Variants in PTPRS observed in about 807,000 individuals in gnomAD.
PTPRS encodes protein tyrosine phosphatase receptor type S.
PTPRS carries 63 observed loss-of-function variants against 215.3 expected under a neutral mutation model. The observed-to-expected ratio is 0.29, with a 90% CI of 0.24 to 0.36. The LOEUF (loss-of-function observed/expected upper bound fraction) is 0.36, where lower values mean the gene tolerates loss of function less well. Among genes scored for constraint, PTPRS ranks in the 10% least tolerant of loss-of-function variants. The pLI is 1.00. For synonymous variants in PTPRS, 1,404 were observed against 1,191.4 expected, an observed-to-expected ratio of 1.18 and a Z score of -3.68; for missense variants, 2,258 against 2,825.8, an observed-to-expected ratio of 0.80 and a Z score of 4.56.
At chr19:5,314,232 T>C (rs1192083274) in intron 1 of PTPRS, among the ~76,000 whole-genome samples, 1 of 152,200 alleles carries the variant, frequency 6.6e-6, no homozygotes, top group Non-Finnish European at 1.5e-5. Flanking sequence ...TTCCCTTCCA[T>C]GAACCTCAGT....
chr19:5,221,154 T>C lies in PTPRS; in HGVS notation c.3301A>G (p.Asn1101Asp), dbSNP rs1164236147. ...AGGCCGCCCAGGCTGCTGCCGCGAT[T>C]GGTCAGCACAAAGTTGTAGAAGGTG... ...PHTFYNFVLT[N>D]RGSSLGGLQQ... Residue 1101 changes from asparagine (N) to aspartate (D), a missense_variant, in exon 20 of 38, where the codon AAT becomes GAT. By Grantham distance (23) the Asn-to-Asp change is conservative. Coordinates refer to ENST00000262963, the MANE Select transcript of PTPRS (RefSeq NM_002850.4). 1 of 1,613,644 alleles carries C rather than the reference T, an allele frequency of 6.2e-7. No homozygotes were observed. Among genetic ancestry groups the C allele is most frequent in the South Asian group, 1.1e-5 (1 of 91,066 alleles).
intron 1 of PTPRS, among the ~76,000 whole-genome samples, chr19:5,324,185 C>A (rs2050106724): frequency 7.0e-6 from 1 of 142,686 alleles, no homozygotes; most frequent in South Asian, 2.2e-4. Context: ...CAAGATTATG[C>A]CACTGCACTC....
At chr19:5,332,766 A>C (rs552430483) in intron 1 of PTPRS, among the ~76,000 whole-genome samples, 1 of 152,308 alleles carries the variant, frequency 6.6e-6, no homozygotes, top group East Asian at 1.9e-4. Context: ...ATGTTCCAAG[A>C]AGCATTCCCA....
chr19:5,313,477 G>A (rs760088634), intron 1 of PTPRS, among the ~76,000 whole-genome samples: 7 of 152,198 alleles, frequency 4.6e-5, no homozygotes, highest in African/African-American at 1.2e-4. Context: ...CTGGCTCGTC[G>A]GAAAACAAAT....
At chr19:5,225,865 C>T (rs925580744) in intron 16 of PTPRS, 21 bp from the exon 17 acceptor site, 1 of 1,601,590 alleles carries the variant, frequency 6.2e-7, no homozygotes, top group South Asian at 1.1e-5. Context: ...GGCTGGGGGT[C>T]AGCACGACGG....
intron 26 of PTPRS, 83 bp from the exon 27 acceptor site, chr19:5,215,678 G>A (rs1177026184): frequency 2.0e-6 from 2 of 990,526 alleles, no homozygotes; most frequent in Admixed American, 2.2e-5. Context: ...ATCTACGTGT[G>A]AGTCTGCGAT....
rs1386013115 is a variant in PTPRS, at chr19:5,293,892, C to G, written c.-94-7658G>C. Among the ~76,000 whole-genome samples, 2 of 152,136 alleles carry G rather than the reference C, an allele frequency of 1.3e-5. No homozygotes were observed. Among genetic ancestry groups the G allele is most frequent in the African/African-American group, 4.8e-5 (2 of 41,440 alleles). ...AGGGCCAGATTGGAAACAGATGGGG[C>G]CGCCGTGCCAGGCCCGCGACACCGG... On this transcript the variant is annotated intron_variant, in intron 1 of 37. Coordinates refer to ENST00000262963, the MANE Select transcript of PTPRS (RefSeq NM_002850.4). This position sits in a 1 kb window ranked among gnomAD's most constrained non-coding sequence, Gnocchi z 8.4.
chr19:5,300,231 A>T (rs1444078484), intron 1 of PTPRS, among the ~76,000 whole-genome samples: 1 of 143,506 alleles, frequency 7.0e-6, no homozygotes, highest in Admixed American at 7.2e-5. Context: ...ACGGGGCGAG[A>T]CTCCATCTCA....
At chr19:5,263,084 G>A (rs1377760266) in intron 5 of PTPRS, 112 bp from the exon 6 acceptor site, 6 of 745,504 alleles carry the variant, frequency 8.0e-6, no homozygotes, top group East Asian at 2.8e-5. Flanking sequence ...GGAGGGGGAC[G>A]CTCAGAATAA....
In PTPRS at chr19:5,207,915, T is replaced by G. The variant is rs113193640; in HGVS notation, c.5778+7A>C. The G allele has an allele frequency of 5.0e-5, 81 of 1,613,236 alleles. No individual in the cohort carries two copies. In the African/African-American group the frequency reaches 8.9e-4, roughly 18 times the overall value. ...CAGGCTGCCTCCCCTCCCTGTCCCA[T>G]CTTTACCTCTGTCTGCACCATGGCC... On this transcript the variant is annotated splice_region_variant and intron_variant, in intron 37 of 37. Transcript: ENST00000262963.
At chr19:5,316,819 ACACCCGGCTGTGATTTGGGGTTCTGG>A (rs956471829) in intron 1 of PTPRS, among the ~76,000 whole-genome samples, 16 of 151,976 alleles carry the variant, frequency 1.1e-4, no homozygotes, top group Admixed American at 5.2e-4. Flanking sequence ...ATGAGCCACC[ACACCCGGCTGTGATTTGGGGTTCTGG>A]CACCCGGCTG....
Position 5,308,289 on chromosome 19 carries a change from A to G in PTPRS, c.-94-22055T>C, listed in dbSNP as rs372612766. On this transcript the variant is annotated intron_variant, in intron 1 of 37. Coordinates refer to ENST00000262963, the MANE Select transcript of PTPRS (RefSeq NM_002850.4). ...TTGCTAAATGGATGGGTGAGAAATG[A>G]TATCTTGTTTTAATTTGCATCTCCT... Among the ~76,000 whole-genome samples the G allele has an allele frequency of 3.5e-4, 53 of 152,278 alleles. No homozygotes were observed. The South Asian group carries it at 9.5e-3, about 27-fold the overall frequency.
At chr19:5,207,532 G>A (rs2040475262) in intron 37 of PTPRS, among the ~76,000 whole-genome samples, 2 of 152,296 alleles carry the variant, frequency 1.3e-5, no homozygotes, top group Admixed American at 6.5e-5. Context: ...TTAAGACATG[G>A]CTGCTGTTCA....
intron 9 of PTPRS, among the ~76,000 whole-genome samples, chr19:5,249,179 C>T (rs941051525): frequency 2.6e-5 from 4 of 152,124 alleles, no homozygotes; most frequent in African/African-American, 4.8e-5. Flanking sequence ...GGCGTGGCGG[C>T]GGGCGCCTGT....
rs77449380 is a variant in PTPRS, at chr19:5,311,714, G to C, written c.-94-25480C>G. Among the ~76,000 whole-genome samples the C allele has an allele frequency of 1.1e-3, 169 of 152,216 alleles. 2 individuals carry two copies. In the East Asian group the frequency reaches 0.027, roughly 24 times the overall value. Reference sequence around the variant, plus strand: ...TGGAGATGGCAGATGCTCTCTGCAGGGTAACTGGGCGAGAGGGAGTGAATA... The same window carrying C: ...TGGAGATGGCAGATGCTCTCTGCAGCGTAACTGGGCGAGAGGGAGTGAATA... On this transcript the variant is annotated intron_variant, in intron 1 of 37. Transcript: ENST00000262963.
intron 12 of PTPRS, 141 bp from the exon 13 acceptor site, chr19:5,239,204 A>C (rs1599611596): frequency 1.2e-5 from 7 of 583,396 alleles, no homozygotes; most frequent in East Asian, 3.2e-5. Flanking sequence ...AAATAGAGAC[A>C]GGGGTGCGGC....
intron 26 of PTPRS, among the ~76,000 whole-genome samples, chr19:5,215,877 T>C (rs1365038307): frequency 2.6e-5 from 4 of 152,086 alleles, no homozygotes; most frequent in Non-Finnish European, 1.5e-5. Context: ...GCCCATCCTG[T>C]TTCCTTCCAA....
Position 5,210,646 on chromosome 19 carries a change from C to T in PTPRS, c.5361+33G>A. 1 of 1,614,068 alleles carries T rather than the reference C, an allele frequency of 6.2e-7. No homozygotes were observed. Among genetic ancestry groups the T allele is most frequent in the Non-Finnish European group, 8.5e-7 (1 of 1,180,004 alleles). Reference sequence around the variant, plus strand: ...AGCGCTGTCTGAGCCACAGTCTGGCCCTCGCCCTTCCCTGCTGTGGCCCCT... The same window carrying T: ...AGCGCTGTCTGAGCCACAGTCTGGCTCTCGCCCTTCCCTGCTGTGGCCCCT... On this transcript the variant is annotated intron_variant, in intron 34 of 37. Coordinates refer to ENST00000262963, the MANE Select transcript of PTPRS (RefSeq NM_002850.4). This position sits in a 1 kb window ranked among gnomAD's most constrained non-coding sequence, Gnocchi z 4.5.
Position 5,273,475 on chromosome 19 carries a change from T to C in PTPRS, c.346A>G (p.Ile116Val), listed in dbSNP as rs1457708210. The C allele has an allele frequency of 6.2e-7, 1 of 1,614,102 alleles. No individual in the cohort carries two copies. The highest frequency in any genetic ancestry group is 1.7e-5 in the Admixed American group (1 of 60,002). The change falls in exon 4 of 38, where the codon ATC becomes GTC. Residue 116 changes from isoleucine (I) to valine (V), a missense_variant. Coordinates refer to ENST00000262963, the MANE Select transcript of PTPRS (RefSeq NM_002850.4). ...ECVAQNSVGE[I>V]TVHAKLTVLR... ...ACAGTAAGCTTGGCATGGACTGTGA[T>C]CTCCCCAACCGAGTTCTGGGCCACA... is the stretch of plus-strand genomic sequence containing the variant.
Sources: allele counts gnomAD v4.1 joint callset (sites outside exome capture counted in the v4.1 genomes callset), GRCh38; gene constraint gnomAD v4.1.1; non-coding constraint Gnocchi (gnomAD v3.1); transcripts MANE v1.5; gene names NCBI Gene and HGNC (gene_info 2026-07-23, HGNC 2026-07-21).